GLT1D1: variants seen among roughly 807,000 people sequenced by gnomAD.
The protein encoded by GLT1D1 is glycosyltransferase 1 domain containing 1.
In GLT1D1, 21 loss-of-function variants were observed where a neutral mutation model predicts 28.7. That is an observed-to-expected ratio of 0.73 (90% CI 0.52 to 1.05). GLT1D1 has a LOEUF of 1.05. Among genes scored for constraint, GLT1D1 ranks in the 50% least tolerant of loss-of-function variants. The pLI is 0.00. For synonymous variants in GLT1D1, 147 were observed against 124.8 expected, an observed-to-expected ratio of 1.18 and a Z score of -1.19; for missense variants, 343 against 330.6, an observed-to-expected ratio of 1.04 and a Z score of -0.29.
chr12:128,932,752 CT>C (rs1874068318), intron 4 of GLT1D1, among the ~76,000 whole-genome samples: 1 of 152,088 alleles, frequency 6.6e-6, no homozygotes, highest in Non-Finnish European at 1.5e-5. Flanking sequence ...CTCGGGGGGC[CT>C]TTAGCAGAGG....
chr12:128,869,939 A>ATTT (rs35487977), intron 1 of GLT1D1, among the ~76,000 whole-genome samples: 1,400 of 125,234 alleles, frequency 0.011, 35 homozygotes, highest in African/African-American at 0.038. Context: ...TGTGTATTCT[A>ATTT]TTTTTTTTTT....
chr12:128,976,122 G>A lies in GLT1D1; in HGVS notation c.640-6807G>A, dbSNP rs545261542. Among the ~76,000 whole-genome samples the A allele has an allele frequency of 5.3e-5, 8 of 152,342 alleles. 1 individual carries two copies. The highest frequency in any genetic ancestry group is 5.2e-4 in the Admixed American group (8 of 15,296). ...AGTCAGATGCACGTTCCTCTTCTAG[G>A]CATTGAGGTCTTGAAGGAGGAGCCT... On this transcript the variant is annotated intron_variant, in intron 7 of 7. Coordinates refer to ENST00000281703, the MANE Select transcript of GLT1D1 (RefSeq NM_144669.3).
At position 128,977,021 on chromosome 12, in the gene GLT1D1, C is replaced by T. The variant is rs11060050; in HGVS notation, c.640-5908C>T. Among the ~76,000 whole-genome samples the T allele has an allele frequency of 7.9e-5, 12 of 152,104 alleles. 1 individual carries two copies. The highest frequency in any genetic ancestry group is 1.5e-5 in the Non-Finnish European group (1 of 68,012). On this transcript the variant is annotated intron_variant, in intron 7 of 7. Transcript: ENST00000281703. ...ATTAGTCGGGCGTGGTGGCACAAGC[C>T]TGTAATCCCAGCTGCTTGGGAGGCT...
At chr12:128,884,497 A>G (rs1957133305) in intron 2 of GLT1D1, among the ~76,000 whole-genome samples, 1 of 152,184 alleles carries the variant, frequency 6.6e-6, no homozygotes, top group Non-Finnish European at 1.5e-5. Flanking sequence ...GTAGTGAATA[A>G]CAATGTATTG....
At chr12:128,974,954 G>A (rs187234391) in intron 7 of GLT1D1, among the ~76,000 whole-genome samples, 2 of 152,318 alleles carry the variant, frequency 1.3e-5, no homozygotes, top group East Asian at 1.9e-4. Context: ...CATTGAGGCT[G>A]TTCTCCCCTC....
chr12:128,883,718 TG>T (rs1361394820), intron 2 of GLT1D1, among the ~76,000 whole-genome samples: 2 of 152,056 alleles, frequency 1.3e-5, no homozygotes, highest in South Asian at 2.1e-4. Context: ...GACCCTTACG[TG>T]GGTGGCTCCG....
chr12:128,956,703 C>T (rs918861892), intron 6 of GLT1D1, among the ~76,000 whole-genome samples: 1 of 152,174 alleles, frequency 6.6e-6, no homozygotes, highest in African/African-American at 2.4e-5. Flanking sequence ...CCTTTTCTTC[C>T]TCCTACTTTT....
chr12:128,913,649 C>T (rs987057581), intron 4 of GLT1D1, among the ~76,000 whole-genome samples: 15 of 152,244 alleles, frequency 9.9e-5, no homozygotes, highest in African/African-American at 3.6e-4. Flanking sequence ...GCCAGGCGTT[C>T]GGGCCTCCTG....
intron 6 of GLT1D1, among the ~76,000 whole-genome samples, chr12:128,952,371 G>A (rs889981091): frequency 1.5e-5 from 2 of 131,046 alleles, no homozygotes; most frequent in Non-Finnish European, 3.1e-5. Flanking sequence ...GAATGGGAAC[G>A]TATTTGGAGA....
intron 4 of GLT1D1, among the ~76,000 whole-genome samples, chr12:128,914,539 G>T (rs1186365757): frequency 1.3e-5 from 2 of 152,174 alleles, no homozygotes; most frequent in Non-Finnish European, 2.9e-5. Flanking sequence ...ACACAAGTGG[G>T]CCGTGTGTGG....
intron 6 of GLT1D1, among the ~76,000 whole-genome samples, chr12:128,949,864 GCA>G (rs892862927): frequency 2.6e-4 from 39 of 151,714 alleles, no homozygotes; most frequent in African/African-American, 8.5e-4. Flanking sequence ...ACACGTGTAC[GCA>G]CACACACACG....
chr12:128,975,476 G>T (rs1219790398), intron 7 of GLT1D1, among the ~76,000 whole-genome samples: 1 of 151,886 alleles, frequency 6.6e-6, no homozygotes, highest in East Asian at 1.9e-4. Context: ...TTTGAGACGG[G>T]GTCTCACTCT....
chr12:128,962,884 G>A (rs1310004030), intron 7 of GLT1D1, among the ~76,000 whole-genome samples: 6 of 152,030 alleles, frequency 3.9e-5, no homozygotes, highest in Non-Finnish European at 7.4e-5. Flanking sequence ...TATTTTATCA[G>A]TAGAGACGGG....
intron 4 of GLT1D1, among the ~76,000 whole-genome samples, chr12:128,933,208 A>G (rs1874119330): frequency 6.6e-6 from 1 of 152,248 alleles, no homozygotes; most frequent in Admixed American, 6.5e-5. Context: ...ATGCTTTACC[A>G]AGGCCAGTTT....
At chr12:128,880,171 G>A (rs185736014) in intron 2 of GLT1D1, among the ~76,000 whole-genome samples, 1 of 152,280 alleles carries the variant, frequency 6.6e-6, no homozygotes. Flanking sequence ...TCAGATTGCT[G>A]GATTTTTGTT....
intron 2 of GLT1D1, among the ~76,000 whole-genome samples, chr12:128,879,392 T>TTCTTTCTTTC (rs1341653692): frequency 1.4e-5 from 1 of 72,372 alleles, no homozygotes; most frequent in African/African-American, 6.6e-5. Flanking sequence ...CTTTCTTTCT[T>TTCTTTCTTTC]TCTTTCTTTC....
chr12:128,911,222 G>A (rs987134089), intron 4 of GLT1D1, among the ~76,000 whole-genome samples: 10 of 152,212 alleles, frequency 6.6e-5, no homozygotes, highest in Admixed American at 5.2e-4. Context: ...GAGCCACCAT[G>A]CCTGGCCGTG....
chr12:128,891,094 C>T (rs550824772), intron 3 of GLT1D1, among the ~76,000 whole-genome samples: 3 of 139,692 alleles, frequency 2.1e-5, no homozygotes, highest in African/African-American at 5.3e-5. Flanking sequence ...GGTGACAGAG[C>T]GACACTGTCT....
chr12:128,944,807 T>TATATATAC, intron 4 of GLT1D1: 1 of 161,040 alleles, frequency 6.2e-6, no homozygotes, highest in Non-Finnish European at 1.4e-5. Context: ...TATATATATG[T>TATATATAC]ATATATATAT....
Sources: allele counts gnomAD v4.1 joint callset (sites outside exome capture counted in the v4.1 genomes callset), GRCh38; gene constraint gnomAD v4.1.1; transcripts MANE v1.5; gene names NCBI Gene and HGNC (gene_info 2026-07-23, HGNC 2026-07-21).